The following PCDH11X variants were observed in gnomAD, a reference collection of about 807,000 sequenced individuals.
PCDH11X encodes protocadherin-11 X-linked.
Under a neutral mutation model 53.3 loss-of-function variants are expected in PCDH11X, and 18 were observed. The observed-to-expected ratio is 0.34, with a 90% CI of 0.23 to 0.50. The LOEUF (loss-of-function observed/expected upper bound fraction) is 0.50, where lower values mean the gene tolerates loss of function less well. PCDH11X is among the 20% of genes least tolerant of loss of function. The pLI, the probability that PCDH11X is intolerant of heterozygous loss-of-function variation, is 0.98. For missense variants in PCDH11X, 570 were observed against 1,032.4 expected, an observed-to-expected ratio of 0.55 and a Z score of 6.14; for synonymous variants, 279 against 393.3, an observed-to-expected ratio of 0.71 and a Z score of 3.44.
chrX:92,249,647 G>T (rs1007555610), intron 7 of PCDH11X, among the ~76,000 whole-genome samples: 4 of 112,098 alleles, frequency 3.6e-5, no homozygotes, highest in Admixed American at 9.5e-5. Context: ...AAGAAGCTGG[G>T]AATTTGGCAG....
At chrX:92,541,879 G>A (rs2148738099) in intron 10 of PCDH11X, among the ~76,000 whole-genome samples, 2 of 110,521 alleles carry the variant, frequency 1.8e-5, no homozygotes, top group East Asian at 2.9e-4. Context: ...AACCCAGGCG[G>A]CGGAGGTTGC....
At chrX:92,187,529 T>G (rs1316273253) in intron 6 of PCDH11X, among the ~76,000 whole-genome samples, 4 of 111,566 alleles carry the variant, frequency 3.6e-5, no homozygotes, top group Non-Finnish European at 7.5e-5. Context: ...GAATTTTAAA[T>G]GGAATGAATT....
chrX:92,184,253 C>A, intron 6 of PCDH11X, among the ~76,000 whole-genome samples: 1 of 112,067 alleles, frequency 8.9e-6, no homozygotes. Flanking sequence ...AAGTCACTGA[C>A]TTTATTTAGA....
intron 7 of PCDH11X, among the ~76,000 whole-genome samples, chrX:92,216,099 TG>T (rs2066703773): frequency 9.2e-6 from 1 of 108,278 alleles, no homozygotes; most frequent in Admixed American, 9.9e-5. Context: ...ACCACAAAGA[TG>T]GGGAAAAAAT....
intron 6 of PCDH11X, among the ~76,000 whole-genome samples, chrX:92,157,428 G>A (rs1406886397): frequency 8.9e-6 from 1 of 111,799 alleles, no homozygotes; most frequent in Non-Finnish European, 1.9e-5. Context: ...AAGGGTTAAA[G>A]TGAAGGATAT....
chrX:92,007,209 C>T (rs981903746), intron 6 of PCDH11X, among the ~76,000 whole-genome samples: 1 of 112,132 alleles, frequency 8.9e-6, no homozygotes, highest in Non-Finnish European at 1.9e-5. Flanking sequence ...TGAGGTCCCC[C>T]AGACCCTATG....
At chrX:92,357,650 T>C (rs1422580547) in intron 8 of PCDH11X, among the ~76,000 whole-genome samples, 4 of 108,866 alleles carry the variant, frequency 3.7e-5, no homozygotes, top group Non-Finnish European at 7.6e-5. Context: ...AGAACTTTGA[T>C]ATTGGACTTC....
At chrX:92,356,911 A>G (rs1335374576) in intron 8 of PCDH11X, among the ~76,000 whole-genome samples, 13 of 111,135 alleles carry the variant, frequency 1.2e-4, no homozygotes, top group Admixed American at 1.9e-4. Context: ...TTTAGGGACC[A>G]TAATGAAGAT....
At chrX:92,434,456 G>A (rs1255679938) in intron 9 of PCDH11X, among the ~76,000 whole-genome samples, 1 of 110,141 alleles carries the variant, frequency 9.1e-6, no homozygotes, top group East Asian at 2.9e-4. Context: ...AATTTATAGG[G>A]TAAAGAAGAA....
chrX:92,147,826 T>TCTTTCTTTCTTTCTTTCTTTCTTC (rs1491389236), intron 6 of PCDH11X, among the ~76,000 whole-genome samples: 7 of 92,226 alleles, frequency 7.6e-5, no homozygotes, highest in Non-Finnish European at 1.4e-4. Context: ...TTTCTTTCTT[T>TCTTTCTTTCTTTCTTTCTTTCTTC]CTTTCTTTCT....
intron 10 of PCDH11X, among the ~76,000 whole-genome samples, chrX:92,541,544 G>A (rs750964964): frequency 1.8e-5 from 2 of 111,665 alleles, no homozygotes; most frequent in Admixed American, 9.5e-5. Context: ...CAGTGATGGT[G>A]TTTCTCTGTG....
At chrX:92,425,137 TC>T (rs201194998) in intron 9 of PCDH11X, among the ~76,000 whole-genome samples, 9,841 of 108,164 alleles carry the variant, frequency 0.091, 664 homozygotes, top group African/African-American at 0.23. Flanking sequence ...CTGAGATCAC[TC>T]TTATAGGAAG....
intron 5 of PCDH11X, among the ~76,000 whole-genome samples, chrX:91,858,407 T>C (rs140318084): frequency 0.01 from 1,172 of 111,991 alleles, 17 homozygotes; most frequent in African/African-American, 0.036. Flanking sequence ...TTGTTTCCTA[T>C]GCAAACTTTT....
intron 6 of PCDH11X, among the ~76,000 whole-genome samples, chrX:91,902,065 G>C (rs1168768072): frequency 1.8e-5 from 2 of 111,393 alleles, no homozygotes; most frequent in Non-Finnish European, 3.8e-5. Context: ...AGCTACTGTT[G>C]AGACACATTT....
intron 6 of PCDH11X, among the ~76,000 whole-genome samples, chrX:92,061,505 G>A (rs2476075): frequency 0.26 from 26,958 of 104,569 alleles, 4,993 homozygotes; most frequent in African/African-American, 0.57. Flanking sequence ...AGATTTTTAT[G>A]TATGGTGAGA....
intron 8 of PCDH11X, among the ~76,000 whole-genome samples, chrX:92,275,850 A>G (rs2068076864): frequency 9.1e-6 from 1 of 110,424 alleles, no homozygotes; most frequent in Admixed American, 9.7e-5. Context: ...GGTTTTAATG[A>G]GATGGTAAGG....
At chrX:92,329,727 G>A (rs2069417663) in intron 8 of PCDH11X, among the ~76,000 whole-genome samples, 1 of 111,344 alleles carries the variant, frequency 9.0e-6, no homozygotes, top group Non-Finnish European at 1.9e-5. Context: ...GCCAGGCACA[G>A]AAAGACAAAC....
At chrX:92,280,921 G>T (rs1254417588) in intron 8 of PCDH11X, among the ~76,000 whole-genome samples, 1 of 110,960 alleles carries the variant, frequency 9.0e-6, no homozygotes, top group Non-Finnish European at 1.9e-5. Flanking sequence ...AATAAACATT[G>T]TTTTCAGCAA....
chrX:92,139,103 A>T lies in PCDH11X; in HGVS notation c.3034-62272A>T, dbSNP rs192480032. The stretch of plus-strand genomic sequence containing the variant: ...AGATTATTTTCACCTCTCCTCTTTG[A>T]TTGGTAATGTAAGTAAACATTTTAA... On this transcript the variant is annotated intron_variant, in intron 6 of 10. Transcript: ENST00000682573. Among the ~76,000 whole-genome samples the T allele has an allele frequency of 4.9e-3, 527 of 106,728 alleles. 3 individuals carry two copies. Among genetic ancestry groups the T allele is most frequent in the Admixed American group, 0.024 (232 of 9,717 alleles). The allele number at this position is 106,728 out of a possible 115,157, so 92.7% of individuals were successfully genotyped here.
Sources: gnomAD v4.1 joint callset for allele counts (sites outside exome capture counted in the v4.1 genomes callset) on GRCh38, gnomAD v4.1.1 for gene constraint, MANE v1.5 for transcripts, NCBI Gene and HGNC (gene_info 2026-07-23, HGNC 2026-07-21) for gene names.